The following AARS1 variants were observed in gnomAD, a reference collection of about 807,000 sequenced individuals.
The protein encoded by AARS1 is alanine--tRNA ligase, cytoplasmic.
AARS1 carries 72 observed loss-of-function variants against 108.9 expected under a neutral mutation model. The observed-to-expected ratio is 0.66, with a 90% CI of 0.55 to 0.80. The LOEUF (loss-of-function observed/expected upper bound fraction) is 0.80. AARS1 is among the 30% of genes least tolerant of loss of function. The pLI is 0.00. For missense variants in AARS1, 1,193 were observed against 1,233.2 expected (o/e 0.97, Z 0.49); for synonymous variants, 489 against 465.7 (o/e 1.05, Z -0.64).
intron 5 of AARS1, among the ~76,000 whole-genome samples, chr16:70,270,607 G>A (rs1471900387): frequency 6.6e-6 from 1 of 152,002 alleles, no homozygotes; most frequent in East Asian, 1.9e-4. Context: ...GGGAGGCCGA[G>A]GTGGTGGACC....
chr16:70,254,482 G>A (rs1301949568), intron 17 of AARS1, 139 bp downstream of exon 17: 2 of 704,272 alleles, frequency 2.8e-6, no homozygotes, highest in South Asian at 1.5e-5. Context: ...CCTGCTACAA[G>A]GCTACAGGAC....
chr16:70,285,088 G>C (rs548782200), intron 1 of AARS1, among the ~76,000 whole-genome samples: 5 of 152,300 alleles, frequency 3.3e-5, no homozygotes, highest in Admixed American at 2.6e-4. Flanking sequence ...AATTAGCCGG[G>C]AATGATGGCG....
At position 70,262,348 on chromosome 16, in the gene AARS1, CT is replaced by C. The variant is rs2152156583; in HGVS notation, c.1668del (p.Asp557IlefsTer7). Reference sequence around the variant, plus strand: ...ACAAGGAAGAACTGTTGGCTCACATCTTCACTGCTGTCATCCACCTTCACCA... The same window carrying C: ...ACAAGGAAGAACTGTTGGCTCACATCTCACTGCTGTCATCCACCTTCACCA... ...GYLVKVDDSS[E>X]DKTEFTVKNA... is the part of the protein sequence containing the mutation. On this transcript the variant is annotated frameshift_variant, in exon 12 of 21. Coordinates refer to ENST00000261772, the MANE Select transcript of AARS1 (RefSeq NM_001605.3). LOFTEE classifies it high-confidence loss of function. The C allele has an allele frequency of 6.2e-7, 1 of 1,614,220 alleles. No homozygotes were observed. The highest frequency in any genetic ancestry group is 1.1e-5 in the South Asian group (1 of 91,092).
rs1276267053 is a variant in AARS1 at position 70,252,686 on chromosome 16, C to A, written c.*35G>T. On this transcript the variant is annotated 3_prime_UTR_variant, in exon 21 of 21. Transcript: ENST00000261772. Reference sequence around the variant, plus strand: ...AGCAGATGAAGAGCTCTTGGCTGGACGGATGGATCCAGTGGGAGCCTCCTC... The same window carrying A: ...AGCAGATGAAGAGCTCTTGGCTGGAAGGATGGATCCAGTGGGAGCCTCCTC... 4 of 1,610,148 alleles carry A rather than the reference C, an allele frequency of 2.5e-6. No individual in the cohort carries two copies. Among genetic ancestry groups the A allele is most frequent in the Admixed American group, 1.7e-5 (1 of 60,012 alleles).
At chr16:70,255,693 T>C (rs751421844) in intron 16 of AARS1, 35 bp downstream of exon 16, 5 of 1,591,952 alleles carry the variant, frequency 3.1e-6, no homozygotes, top group Admixed American at 3.3e-5. Context: ...TCTTGCCTTC[T>C]TCAGATAAGC....
At chr16:70,288,738 T>A (rs1475016010) in intron 1 of AARS1, among the ~76,000 whole-genome samples, 2 of 151,910 alleles carry the variant, frequency 1.3e-5, no homozygotes, top group African/African-American at 2.4e-5. Flanking sequence ...GGCTAATTTT[T>A]GTATTTTTAG....
chr16:70,257,064 A>T (rs1314727586), intron 15 of AARS1, among the ~76,000 whole-genome samples: 2 of 152,074 alleles, frequency 1.3e-5, no homozygotes, highest in Non-Finnish European at 2.9e-5. Context: ...CCTGGCTAAC[A>T]GGGTGAAACC....
chr16:70,270,607 G>T (rs1471900387), intron 5 of AARS1, among the ~76,000 whole-genome samples: 2 of 152,002 alleles, frequency 1.3e-5, no homozygotes, highest in Non-Finnish European at 2.9e-5. Flanking sequence ...GGGAGGCCGA[G>T]GTGGTGGACC....
intron 17 of AARS1, 74 bp from the exon 18 acceptor site, chr16:70,254,112 G>A (rs1215240321): frequency 7.0e-6 from 11 of 1,580,654 alleles, no homozygotes; most frequent in South Asian, 2.2e-5. Context: ...CACCCCACCC[G>A]AACCCAAGTC....
At chr16:70,256,436 C>T (rs188445404) in intron 15 of AARS1, among the ~76,000 whole-genome samples, 5 of 152,104 alleles carry the variant, frequency 3.3e-5, no homozygotes, top group African/African-American at 9.7e-5. Flanking sequence ...ACCCAAGTAG[C>T]TTGGATACAG....
Position 70,271,852 on chromosome 16 carries a change from G to C in AARS1, c.600C>G (p.Ala200=). 6.2e-7 allele frequency: 1 copy of C among 1,613,886 alleles called. No individual in the cohort carries two copies. Among genetic ancestry groups the C allele is most frequent in the Non-Finnish European group, 8.5e-7 (1 of 1,179,844 alleles). The stretch of plus-strand genomic sequence containing the variant: ...GGTCGTCCTGGTTGACAAGATGTGC[G>C]GCGTCCCGACCACCAATCCGGTCGT... ...IHYDRIGGRD[A]AHLVNQDDPN... The change falls in exon 5 of 21, where the codon GCC becomes GCG. Residue 200 remains alanine (A), a synonymous_variant. Coordinates refer to ENST00000261772, the MANE Select transcript of AARS1 (RefSeq NM_001605.3).
Position 70,276,337 on chromosome 16 carries a change from C to T in AARS1, c.479+149G>A, listed in dbSNP as rs565727176. 3.7e-5 allele frequency: 32 copies of T among 869,038 alleles called. No individual in the cohort carries two copies. The East Asian group carries it at 5.2e-4, about 14-fold the overall frequency. 53.8% of individuals were successfully genotyped at this position (869,038 alleles called of 1,614,324 possible). A position where few individuals can be genotyped will look rare whatever the true frequency, so the allele number is the denominator to read the frequency against. ...GCAACCTCCACCTCCTGGGTTCAAG[C>T]GATTCTCTAGCCTCACTCCTCCCCA... is the stretch of plus-strand genomic sequence containing the variant. On this transcript the variant is annotated intron_variant, in intron 4 of 20. Coordinates refer to ENST00000261772, the MANE Select transcript of AARS1 (RefSeq NM_001605.3).
rs1283711323 is a variant in AARS1 at position 70,254,636 on chromosome 16, G to C, written c.2385C>G (p.Ile795Met). 4.3e-6 allele frequency: 7 copies of C among 1,613,740 alleles called. No homozygotes were observed. Among genetic ancestry groups the C allele is most frequent in the African/African-American group, 1.3e-5 (1 of 75,030 alleles). Residue 795 changes from isoleucine to methionine, a missense_variant, in exon 17 of 21, where the codon ATC becomes ATG. Transcript: ENST00000261772. ...TAPNKDVQRE[I>M]ADLGEALATA... The stretch of plus-strand genomic sequence containing the variant: ...CCGCCCCTACCTCTCCAAGGTCAGC[G>C]ATCTCCCTCTGCACATCCTTGTTTG...
chr16:70,268,776 T>C (rs1317181666), intron 7 of AARS1, among the ~76,000 whole-genome samples: 1 of 152,176 alleles, frequency 6.6e-6, no homozygotes, highest in Non-Finnish European at 1.5e-5. Context: ...ATCCTTATCA[T>C]CTGTACTCAG....
At chr16:70,266,734 C>A (rs1460504315) in intron 9 of AARS1, among the ~76,000 whole-genome samples, 1 of 151,998 alleles carries the variant, frequency 6.6e-6, no homozygotes, top group African/African-American at 2.4e-5. Flanking sequence ...GTTGGCCAGG[C>A]TGGTCTCAAA....
chr16:70,274,613 A>G (rs918529580), intron 4 of AARS1, among the ~76,000 whole-genome samples: 1 of 151,562 alleles, frequency 6.6e-6, no homozygotes, highest in African/African-American at 2.4e-5. Flanking sequence ...AATCCCAGGT[A>G]CTCGGGAGGC....
chr16:70,257,890 T>C, intron 15 of AARS1, 143 bp downstream of exon 15: 3 of 869,358 alleles, frequency 3.5e-6, no homozygotes, highest in Middle Eastern at 6.0e-4. Flanking sequence ...GATGCTGAGA[T>C]TCTTGGGAAC....
intron 1 of AARS1, 123 bp downstream of exon 1, chr16:70,289,298 A>T (rs1368168663): frequency 8.7e-6 from 3 of 346,482 alleles, no homozygotes; most frequent in East Asian, 1.6e-4. Context: ...TCCAGCCCAG[A>T]CTGGGCTTCT....
At chr16:70,282,482 G>T in intron 2 of AARS1, 138 bp downstream of exon 2, 1 of 1,025,122 alleles carries the variant, frequency 9.8e-7, no homozygotes, top group South Asian at 1.4e-5. Context: ...AGAAACTGAG[G>T]CCCATCACAT....
Sources: allele counts gnomAD v4.1 joint callset (sites outside exome capture counted in the v4.1 genomes callset), GRCh38; gene constraint gnomAD v4.1.1; transcripts MANE v1.5; gene names NCBI Gene and HGNC (gene_info 2026-07-23, HGNC 2026-07-21).